The following CLSPN variants were observed in gnomAD, a reference collection of about 807,000 sequenced individuals.
CLSPN encodes claspin homolog.
Under a neutral mutation model 156.3 loss-of-function variants are expected in CLSPN, and 85 were observed. The ratio of observed to expected loss-of-function variants is 0.54; its 90% CI spans 0.46 to 0.65. The LOEUF is 0.65. Ranked by LOEUF, CLSPN falls within the 30% of genes least tolerant of loss-of-function variation. The probability of loss-of-function intolerance (pLI) is 0.00; values close to 1 mark genes in which losing one functional copy is unlikely to be tolerated. For synonymous variants in CLSPN, 534 were observed against 542.4 expected (o/e 0.98, Z 0.22); for missense variants, 1,407 against 1,554.9 (o/e 0.90, Z 1.60).
intron 12 of CLSPN, 85 bp downstream of exon 12, chr1:35,749,382 T>A (rs1013491164): frequency 7.9e-7 from 1 of 1,268,604 alleles, no homozygotes; most frequent in Admixed American, 2.0e-5. Flanking sequence ...TTTAAAAACA[T>A]GGAAACTTAC....
At chr1:35,728,490 C>G (rs189034468), downstream of CLSPN, among the ~76,000 whole-genome samples, 1 of 152,256 alleles carries the variant, frequency 6.6e-6, no homozygotes, top group Non-Finnish European at 1.5e-5. Flanking sequence ...GAGAGACAGC[C>G]CTGGATCCTC....
In CLSPN at chr1:35,748,612, AAGAG is replaced by A. The variant is rs769369801; in HGVS notation, c.2273-12_2273-9del. ...AACATGAATCATCCTCATCTAAAGA[AAGAG>A]AAACACCTTTTAAGCACATGATTAC... is the stretch of plus-strand genomic sequence containing the variant. On this transcript the variant is annotated splice_polypyrimidine_tract_variant and intron_variant, in intron 12 of 24. Transcript: ENST00000318121. The A allele has an allele frequency of 4.3e-6, 7 of 1,609,992 alleles. No homozygotes were observed. Among genetic ancestry groups the A allele is most frequent in the African/African-American group, 1.3e-5 (1 of 74,948 alleles).
At chr1:35,738,627 G>A in intron 20 of CLSPN, 45 bp from the exon 21 acceptor site, 1 of 1,607,910 alleles carries the variant, frequency 6.2e-7, no homozygotes. Context: ...GTCCTCACAG[G>A]AGAGGGTGCT....
intron 10 of CLSPN, among the ~76,000 whole-genome samples, chr1:35,750,885 T>C (rs1299286033): frequency 1.3e-5 from 2 of 152,058 alleles, no homozygotes; most frequent in African/African-American, 4.8e-5. Context: ...AGGTTAGGAC[T>C]GCTTTTTAAT....
At chr1:35,747,521 A>T (rs1641933487) in intron 14 of CLSPN, among the ~76,000 whole-genome samples, 1 of 152,186 alleles carries the variant, frequency 6.6e-6, no homozygotes, top group Non-Finnish European at 1.5e-5. Flanking sequence ...GTAAAGTGTA[A>T]AGGATAACTT....
Position 35,741,961 on chromosome 1 carries a change from G to A in CLSPN, c.3143+1180C>T, listed in dbSNP as rs930509619. Among the ~76,000 whole-genome samples, 29 of 112,126 alleles carry A rather than the reference G, an allele frequency of 2.6e-4. No individual in the cohort carries two copies. The East Asian group carries it at 4.0e-3, about 15-fold the overall frequency. 73.6% of individuals were successfully genotyped at this position (112,126 alleles called of 152,430 possible). On this transcript the variant is annotated intron_variant, in intron 18 of 24. Coordinates refer to ENST00000318121, the MANE Select transcript of CLSPN (RefSeq NM_022111.4). ...TGCCCTCCAGCCTGGGCGACAGAGC[G>A]AGACTCCGTCTCAAAAAAAAAAAAA...
At chr1:35,725,625 G>T (rs1473331243) in intron 24 of CLSPN, among the ~76,000 whole-genome samples, 1 of 151,960 alleles carries the variant, frequency 6.6e-6, no homozygotes, top group East Asian at 1.9e-4. Context: ...GTTCCTTTCT[G>T]GGTGCCCCCC....
chr1:35,737,080 G>A lies in CLSPN; in HGVS notation c.3748-5C>T. 4 of 1,611,470 alleles carry A rather than the reference G, an allele frequency of 2.5e-6. No homozygotes were observed. The highest frequency in any genetic ancestry group is 3.4e-6 in the Non-Finnish European group (4 of 1,179,022). Reference sequence around the variant, plus strand: ...TAGCAGTGAGCCTGTCTTCACCTGAGGAAAGAAGAGTCATCTGGTATCAAA... The same window carrying A: ...TAGCAGTGAGCCTGTCTTCACCTGAAGAAAGAAGAGTCATCTGGTATCAAA... On this transcript the variant is annotated splice_region_variant and splice_polypyrimidine_tract_variant and intron_variant, in intron 23 of 24. Transcript: ENST00000318121.
At chr1:35,768,865 G>A (rs1642765483) in intron 1 of CLSPN, among the ~76,000 whole-genome samples, 2 of 152,162 alleles carry the variant, frequency 1.3e-5, no homozygotes, top group African/African-American at 2.4e-5. Context: ...AAAGGGCAGG[G>A]CCAGTAACAG....
At chr1:35,752,334 C>G (rs1642115621) in intron 9 of CLSPN, among the ~76,000 whole-genome samples, 1 of 152,134 alleles carries the variant, frequency 6.6e-6, no homozygotes, top group South Asian at 2.1e-4. Context: ...AATCCCAGCA[C>G]TTTGCGGGGC....
chr1:35,765,541 T>TAAAAAG (rs1642642032), intron 1 of CLSPN, among the ~76,000 whole-genome samples: 13 of 152,268 alleles, frequency 8.5e-5, no homozygotes, highest in South Asian at 8.3e-4. Context: ...CCAACTCTTT[T>TAAAAAG]AGTAACGGTA....
chr1:35,754,767 G>C (rs935311422), intron 8 of CLSPN, among the ~76,000 whole-genome samples: 1 of 152,102 alleles, frequency 6.6e-6, no homozygotes, highest in Admixed American at 6.6e-5. Flanking sequence ...GGTGAAAACT[G>C]TTACACTAGT....
intron 1 of CLSPN, among the ~76,000 whole-genome samples, chr1:35,769,545 G>A (rs2148630319): frequency 6.6e-6 from 1 of 152,360 alleles, no homozygotes; most frequent in African/African-American, 2.4e-5. Context: ...ACGCGCCAAA[G>A]GGGAGGGCTG....
intron 16 of CLSPN, among the ~76,000 whole-genome samples, chr1:35,743,904 G>A (rs148613296): frequency 1.1e-4 from 16 of 152,294 alleles, no homozygotes; most frequent in African/African-American, 3.6e-4. Flanking sequence ...TTATAGGTAT[G>A]AGCCACCTCG....
At position 35,737,437 on chromosome 1, in the gene CLSPN, A is replaced by G. The variant is rs1424780742; in HGVS notation, c.3665-16T>C. ...GGGCGACTGGCTGGAAAGAAAAGAC[A>G]GAGAGGCCTATTCTGGGAAAAGCTG... On this transcript the variant is annotated splice_polypyrimidine_tract_variant and intron_variant, in intron 22 of 24. Coordinates refer to ENST00000318121, the MANE Select transcript of CLSPN (RefSeq NM_022111.4). 1.9e-6 allele frequency: 3 copies of G among 1,596,578 alleles called. No homozygotes were observed. Among genetic ancestry groups the G allele is most frequent in the Admixed American group, 3.3e-5 (2 of 59,962 alleles).
chr1:35,764,994 G>T (rs1397642732), intron 2 of CLSPN, among the ~76,000 whole-genome samples: 1 of 152,060 alleles, frequency 6.6e-6, no homozygotes, highest in Non-Finnish European at 1.5e-5. Flanking sequence ...TTTATTATAG[G>T]ATGAATGCAA....
exon 25 of CLSPN, chr1:35,720,806 G>T: frequency 1.0e-6 from 1 of 956,616 alleles, no homozygotes; most frequent in South Asian, 1.5e-5. Context: ...GTTCTGCCCA[G>T]ACCACAGAGC....
chr1:35,757,050 C>T (rs1365376253), intron 8 of CLSPN, among the ~76,000 whole-genome samples: 2 of 152,196 alleles, frequency 1.3e-5, no homozygotes, highest in Non-Finnish European at 2.9e-5. Context: ...TTGTCTCTGA[C>T]ATCTGCAGGT....
In CLSPN at chr1:35,746,817, C is replaced by G; in HGVS notation, c.2803G>C (p.Glu935Gln). 6.2e-7 allele frequency: 1 copy of G among 1,614,134 alleles called. No individual in the cohort carries two copies. The highest frequency in any genetic ancestry group is 2.2e-5 in the East Asian group (1 of 44,880). The change falls in exon 15 of 25, where the codon GAG becomes CAG. Residue 935 changes from glutamate to glutamine, a missense_variant. By Grantham distance (29) the Glu-to-Gln change is conservative. Transcript: ENST00000318121. The surrounding 1 kb of genome is among the most constrained non-coding windows in gnomAD (Gnocchi z 4.2). ...KHLPRKSDKK[E>Q]NMEELLNLCS... ...AGGTTCAGAAGTTCCTCCATGTTCT[C>G]TTTCTTGTCACTCTTCCTGGGTAGA...
Sources: gnomAD v4.1 joint callset for allele counts (sites outside exome capture counted in the v4.1 genomes callset) on GRCh38, gnomAD v4.1.1 for gene constraint, Gnocchi (gnomAD v3.1) non-coding constraint, MANE v1.5 for transcripts, NCBI Gene and HGNC (gene_info 2026-07-23, HGNC 2026-07-21) for gene names.